PELI1: variants seen among roughly 807,000 people sequenced by gnomAD.
The protein encoded by PELI1 is pellino E3 ubiquitin protein ligase 1.
In PELI1, 15 loss-of-function variants were observed where a neutral mutation model predicts 41.3. The observed-to-expected ratio is 0.36, with a 90% confidence interval of 0.24 to 0.56. The LOEUF is 0.56. Among genes scored for constraint, PELI1 ranks in the 20% least tolerant of loss-of-function variants. PELI1 has a pLI of 0.82. For missense variants in PELI1, 403 were observed against 525.5 expected (o/e 0.77, Z 2.28); for synonymous variants, 178 against 180.1 (o/e 0.99, Z 0.09).
At chr2:64,105,744 T>A (rs1239377539) in intron 2 of PELI1, among the ~76,000 whole-genome samples, 24 of 152,216 alleles carry the variant, frequency 1.6e-4, no homozygotes, top group Non-Finnish European at 3.2e-4. Context: ...ACTGCTTCAT[T>A]GAGGCATGAG....
intron 3 of PELI1, among the ~76,000 whole-genome samples, chr2:64,102,416 C>T (rs905615691): frequency 6.6e-6 from 1 of 152,012 alleles, no homozygotes; most frequent in Admixed American, 6.6e-5. Context: ...GGCTGAAGTG[C>T]AGTGGCTATT....
chr2:64,128,847 T>C (rs185882661), intron 1 of PELI1, among the ~76,000 whole-genome samples: 36 of 152,278 alleles, frequency 2.4e-4, no homozygotes, highest in African/African-American at 7.9e-4. Flanking sequence ...TTTTTCACTA[T>C]AGAAATTCAA....
At chr2:64,125,262 C>A (rs1681347477) in intron 1 of PELI1, among the ~76,000 whole-genome samples, 1 of 152,118 alleles carries the variant, frequency 6.6e-6, no homozygotes, top group South Asian at 2.1e-4. Context: ...ATTTCTTGGT[C>A]CTTCTGGCGA....
chr2:64,095,142 G>A lies in PELI1; in HGVS notation c.817C>T (p.Gln273Ter), dbSNP rs767496486. The change falls in exon 7 of 7, where the codon CAG becomes TAG. Residue 273 changes from glutamine to a stop codon, truncating the protein, a stop_gained. Transcript: ENST00000358912. LOFTEE classifies it high-confidence loss of function. ...PTVKHLEALRQEINAARPQCP... is the reference protein window; with the variant it reads ...PTVKHLEALR The stretch of plus-strand genomic sequence containing the variant: ...TGAGGTCGTGCTGCATTGATTTCCT[G>A]TCTTAAAGCTTCTAAATGCTTCACG... The A allele has an allele frequency of 6.2e-7, 1 of 1,614,022 alleles. No individual in the cohort carries two copies. Among genetic ancestry groups the A allele is most frequent in the Admixed American group, 1.7e-5 (1 of 59,998 alleles).
At chr2:64,133,854 C>T (rs1001363082) in intron 1 of PELI1, among the ~76,000 whole-genome samples, 2 of 151,802 alleles carry the variant, frequency 1.3e-5, no homozygotes, top group Non-Finnish European at 2.9e-5. Flanking sequence ...GATTTATAAT[C>T]CTATAATAAG....
Position 64,100,385 on chromosome 2 carries a change from G to C in PELI1, c.303+13C>G. 1 of 1,331,204 alleles carries C rather than the reference G, an allele frequency of 7.5e-7. No homozygotes were observed. Among genetic ancestry groups the C allele is most frequent in the Non-Finnish European group, 1.1e-6 (1 of 930,970 alleles). 82.5% of individuals were successfully genotyped at this position (1,331,204 alleles called of 1,614,324 possible). A position where few individuals can be genotyped will look rare whatever the true frequency, so the allele number is the denominator to read the frequency against. The stretch of plus-strand genomic sequence containing the variant: ...TCGTTTCTTAAGAAAAAAAATTTAA[G>C]ATGTTGTAATACCTGAAACATATCG... On this transcript the variant is annotated intron_variant, in intron 4 of 6. Transcript: ENST00000358912.
At chr2:64,129,740 C>T (rs1036651171) in intron 1 of PELI1, among the ~76,000 whole-genome samples, 2 of 152,090 alleles carry the variant, frequency 1.3e-5, no homozygotes, top group East Asian at 1.9e-4. Context: ...ATAAAACACA[C>T]TAAGACTTAC....
At chr2:64,124,342 T>A (rs540310953) in intron 1 of PELI1, among the ~76,000 whole-genome samples, 2 of 152,186 alleles carry the variant, frequency 1.3e-5, no homozygotes, top group African/African-American at 2.4e-5. Flanking sequence ...AGCAAGCAAA[T>A]AAAGCTCTAG....
Position 64,100,467 on chromosome 2 carries a change from T to C in PELI1, c.234A>G (p.Ser78=), listed in dbSNP as rs189932995. 3.1e-4 allele frequency: 489 copies of C among 1,585,544 alleles called. 4 individuals are homozygous for C. The highest frequency in any genetic ancestry group is 6.8e-5 in the East Asian group (3 of 44,416). Residue 78 remains serine (S), a synonymous_variant, in exon 4 of 7, where the codon TCA becomes TCG. Transcript: ENST00000358912. ...AISNKDQHSI[S]YTLSRAQTVV... is the part of the protein sequence containing the mutation. ...CAGTCTGGGCCCGAGATAAAGTATA[T>C]GATATGCTATGCTGGTCTTTGTTGC...
At chr2:64,100,590 A>G in intron 3 of PELI1, 91 bp from the exon 4 acceptor site, 1 of 756,044 alleles carries the variant, frequency 1.3e-6, no homozygotes, top group Non-Finnish European at 2.4e-6. Flanking sequence ...ACTATTTATC[A>G]AATACATGAC....
intron 1 of PELI1, among the ~76,000 whole-genome samples, chr2:64,124,021 T>G (rs1681306785): frequency 6.6e-6 from 1 of 152,128 alleles, no homozygotes; most frequent in African/African-American, 2.4e-5. Context: ...TTCTGCTAAG[T>G]GAAAGAAGTC....
Position 64,095,183 on chromosome 2 carries a change from A to G in PELI1, c.776T>C (p.Leu259Pro). ...ATGCTTCACGGTAGGAGTGTGGGAAAGGCCTTCTGCAGTACGCCATAACAA... is the reference window on the plus strand; with the variant it reads ...ATGCTTCACGGTAGGAGTGTGGGAAGGGCCTTCTGCAGTACGCCATAACAA... The part of the protein sequence containing the change: ...ATLLWRTAEG[L>P]SHTPTVKHLE... The change falls in exon 7 of 7, where the codon CTT becomes CCT. Residue 259 changes from leucine to proline, a missense_variant. By Grantham distance (98) the Leu-to-Pro change is moderately conservative (BLOSUM62 -3). Transcript: ENST00000358912. 2 of 1,614,128 alleles carry G rather than the reference A, an allele frequency of 1.2e-6. No homozygotes were observed. Among genetic ancestry groups the G allele is most frequent in the Non-Finnish European group, 1.7e-6 (2 of 1,179,962 alleles).
chr2:64,144,175 C>G lies in PELI1; in HGVS notation c.-164G>C, dbSNP rs1320932095. 6.6e-6 allele frequency: 1 copy of G among 152,178 alleles called. No homozygotes were observed. Among genetic ancestry groups the G allele is most frequent in the Non-Finnish European group, 1.5e-5 (1 of 68,068 alleles). The allele number at this position is 152,178 out of a possible 1,614,324, so 9.4% of individuals were successfully genotyped here. ...GCGCGGGGAGCGCGAGCAGACAGCC[C>G]GCCGTTCCGCCGCTGCCCTCCGCGC... On this transcript the variant is annotated 5_prime_UTR_variant, in exon 1 of 7. Coordinates refer to ENST00000358912, the MANE Select transcript of PELI1 (RefSeq NM_020651.4).
intron 1 of PELI1, among the ~76,000 whole-genome samples, chr2:64,113,108 G>A (rs200986350): frequency 2.6e-5 from 4 of 151,186 alleles, no homozygotes; most frequent in Non-Finnish European, 5.9e-5. Context: ...TAAGACTCCC[G>A]TCTCTACAAA....
chr2:64,138,531 G>A (rs72893165), intron 1 of PELI1, among the ~76,000 whole-genome samples: 3,480 of 152,022 alleles, frequency 0.023, 115 homozygotes, highest in African/African-American at 0.077. Context: ...GTTTCAGACC[G>A]GTCCGGCCAA....
chr2:64,131,572 C>T (rs977142611), intron 1 of PELI1, among the ~76,000 whole-genome samples: 4 of 151,712 alleles, frequency 2.6e-5, no homozygotes, highest in African/African-American at 7.3e-5. Flanking sequence ...AAGGCAGAAA[C>T]GACAGGATCC....
chr2:64,102,451 C>T lies in PELI1; in HGVS notation c.202-1952G>A, dbSNP rs116750769. Among the ~76,000 whole-genome samples, 3 of 152,140 alleles carry T rather than the reference C, an allele frequency of 2.0e-5. No individual in the cohort carries two copies. In the South Asian group the frequency reaches 6.2e-4, roughly 31 times the overall value. On this transcript the variant is annotated intron_variant, in intron 3 of 6. Transcript: ENST00000358912. ...TTACAGGCAGGAAAATGGCACACTA[C>T]AGCTTTAAACTCCTGTGCTCAAGTG... is the stretch of plus-strand genomic sequence containing the variant.
intron 1 of PELI1, chr2:64,143,172 A>G (rs1464884288): frequency 1.3e-5 from 2 of 152,254 alleles, no homozygotes; most frequent in Non-Finnish European, 2.9e-5. Flanking sequence ...ACAGACCTGC[A>G]CGTACAAAAA....
chr2:64,143,976 G>GC (rs397954794), intron 1 of PELI1, 105 bp downstream of exon 1: 1 of 42 alleles, frequency 0.024, no homozygotes, highest in African/African-American at 0.05. Context: ...AGAGCCGGCT[G>GC]CTGGCCGCCG....
Sources: allele counts gnomAD v4.1 joint callset (sites outside exome capture counted in the v4.1 genomes callset), GRCh38; gene constraint gnomAD v4.1.1; transcripts MANE v1.5; gene names NCBI Gene and HGNC (gene_info 2026-07-23, HGNC 2026-07-21).